The following SEMA3G variants were observed in gnomAD, a reference collection of about 807,000 sequenced individuals.
SEMA3G encodes semaphorin-3G.
Under a neutral mutation model 86.2 loss-of-function variants are expected in SEMA3G, and 70 were observed. The ratio of observed to expected loss-of-function variants is 0.81; its 90% confidence interval spans 0.67 to 0.99. The LOEUF (loss-of-function observed/expected upper bound fraction) is 0.99. Ranked by LOEUF, SEMA3G falls within the 50% of genes least tolerant of loss-of-function variation. The pLI is 0.00. For synonymous variants in SEMA3G, 416 were observed against 441.4 expected (o/e 0.94, Z 0.72); for missense variants, 1,002 against 1,072.4 (o/e 0.93, Z 0.92).
chr3:52,437,481 GACC>G (rs1559608774), intron 15 of SEMA3G, 43 bp downstream of exon 15: 2 of 1,563,690 alleles, frequency 1.3e-6, no homozygotes, highest in Non-Finnish European at 1.7e-6. Flanking sequence ...GATGGGAGGT[GACC>G]TCAGGACACA....
At position 52,441,002 on chromosome 3, in the gene SEMA3G, A is replaced by T. The variant is rs765647984; in HGVS notation, c.860T>A (p.Phe287Tyr). The change falls in exon 8 of 16, where the codon TTC becomes TAC. Residue 287 changes from phenylalanine (F) to tyrosine (Y), a missense_variant. Transcript: ENST00000231721. The part of the protein sequence containing the change: ...QRVLVNKWST[F>Y]LKARLVCSVP... ...CGAGCAGACCAGCCTGGCCTTGAGG[A>T]AAGTGCTCCATTTGTTCACCAGCAC... is the stretch of plus-strand genomic sequence containing the variant. 6.2e-7 allele frequency: 1 copy of T among 1,605,062 alleles called. No homozygotes were observed. The highest frequency in any genetic ancestry group is 1.1e-5 in the South Asian group (1 of 90,974).
At position 52,441,929 on chromosome 3, in the gene SEMA3G, G is replaced by A. The variant is rs116467283; in HGVS notation, c.460-20C>T. Reference sequence around the variant, plus strand: ...CACATGCTAGTGGGAGGGAGAGAGGGAGGGAGGGGCGTCACCTGGGAGAGA... The same window carrying A: ...CACATGCTAGTGGGAGGGAGAGAGGAAGGGAGGGGCGTCACCTGGGAGAGA... On this transcript the variant is annotated intron_variant, in intron 4 of 15. Transcript: ENST00000231721. 1.6e-3 allele frequency: 2,392 copies of A among 1,534,612 alleles called. 42 individuals carry two copies. In the African/African-American group the frequency reaches 0.029, roughly 19 times the overall value.
chr3:52,442,576 T>C lies in SEMA3G; in HGVS notation c.322A>G (p.Lys108Glu). The C allele has an allele frequency of 6.2e-7, 1 of 1,614,020 alleles. No individual in the cohort carries two copies. The highest frequency in any genetic ancestry group is 1.1e-5 in the South Asian group (1 of 91,082). The part of the protein sequence containing the change: ...QPGQREECVR[K>E]GRDPLTECAN... The stretch of plus-strand genomic sequence containing the variant: ...GCACTCACCAAAGGATCTCTTCCCT[T>C]TCGAACACACTCCTCCCTCTGTCCT... Residue 108 changes from lysine to glutamate, a missense_variant, in exon 3 of 16, where the codon AAG (lysine) becomes GAG (glutamate). Physicochemically the swap from Lys to Glu is moderately conservative, Grantham distance 56. Coordinates refer to ENST00000231721, the MANE Select transcript of SEMA3G (RefSeq NM_020163.3). The surrounding 1 kb of genome is among the most constrained non-coding windows in gnomAD (Gnocchi z 6.1).
At position 52,439,042 on chromosome 3, in the gene SEMA3G, C is replaced by T. The variant is rs1706098868; in HGVS notation, c.1468-81G>A. On this transcript the variant is annotated intron_variant, in intron 12 of 15. Coordinates refer to ENST00000231721, the MANE Select transcript of SEMA3G (RefSeq NM_020163.3). ...ACCCCTGCTTTCAGTCTCCTCCAACCCTGGGGTGGGAACCACCTAGCTCCC... is the reference window on the plus strand; with the variant it reads ...ACCCCTGCTTTCAGTCTCCTCCAACTCTGGGGTGGGAACCACCTAGCTCCC... The T allele has an allele frequency of 3.3e-6, 5 of 1,497,950 alleles. No homozygotes were observed. The East Asian group carries it at 9.4e-5, about 28-fold the overall frequency. 92.8% of individuals were successfully genotyped at this position (1,497,950 alleles called of 1,614,324 possible).
Position 52,442,342 on chromosome 3 carries a change from G to T in SEMA3G, c.340-38C>A. On this transcript the variant is annotated intron_variant, in intron 3 of 15. Transcript: ENST00000231721. The surrounding 1 kb of genome is among the most constrained non-coding windows in gnomAD (Gnocchi z 6.1). ...GGAGGGGGTGGTTGAGGGGTGAGAG[G>T]GGGTGCCCACCATCTCCTTGGGGCC... 6.2e-7 allele frequency: 1 copy of T among 1,600,068 alleles called. No homozygotes were observed. The highest frequency in any genetic ancestry group is 8.5e-7 in the Non-Finnish European group (1 of 1,172,012).
At chr3:52,444,403 C>T (rs1294109134) in intron 1 of SEMA3G, among the ~76,000 whole-genome samples, 1 of 152,084 alleles carries the variant, frequency 6.6e-6, no homozygotes, top group Non-Finnish European at 1.5e-5. Context: ...GCTCCCTCCC[C>T]TACAGCTGAC....
intron 10 of SEMA3G, 37 bp from the exon 11 acceptor site, chr3:52,440,135 T>C (rs1706119743): frequency 6.7e-7 from 1 of 1,494,966 alleles, no homozygotes; most frequent in Non-Finnish European, 9.1e-7. Context: ...TGAAGTATCC[T>C]GAGACAGCAC....
At position 52,435,830 on chromosome 3, in the gene SEMA3G, T is replaced by C. The variant is rs757185508; in HGVS notation, c.2122A>G (p.Lys708Glu). 9.9e-6 allele frequency: 16 copies of C among 1,613,936 alleles called. No homozygotes were observed. The highest frequency in any genetic ancestry group is 1.4e-5 in the Non-Finnish European group (16 of 1,179,982). ...LASTPPKAWYKDILQLIGFAN... is the reference protein window; with the variant it reads ...LASTPPKAWYEDILQLIGFAN... Reference sequence around the variant, plus strand: ...AAGCCAATGAGCTGCAGGATGTCCTTGTACCAGGCCTTGGGTGGGGTGGAA... The same window carrying C: ...AAGCCAATGAGCTGCAGGATGTCCTCGTACCAGGCCTTGGGTGGGGTGGAA... The change falls in exon 16 of 16, where the codon AAG becomes GAG. Residue 708 changes from lysine to glutamate, a missense_variant. By Grantham distance (56) the Lys-to-Glu change is moderately conservative. Transcript: ENST00000231721.
intron 12 of SEMA3G, among the ~76,000 whole-genome samples, 194 bp downstream of exon 12, chr3:52,439,486 G>A (rs955589292): frequency 2.6e-5 from 4 of 152,142 alleles, no homozygotes; most frequent in African/African-American, 9.7e-5. Context: ...AAGTGGCTGC[G>A]AGGCCTCTGC....
intron 10 of SEMA3G, 59 bp from the exon 11 acceptor site, chr3:52,440,157 C>G: frequency 7.1e-7 from 1 of 1,399,904 alleles, no homozygotes; most frequent in Non-Finnish European, 9.7e-7. Context: ...CACCCTCCAC[C>G]GCCAGTCTGT....
In SEMA3G at chr3:52,442,721, C is replaced by T. The variant is rs1394298749; in HGVS notation, c.276+26G>A. 5 of 1,613,448 alleles carry T rather than the reference C, an allele frequency of 3.1e-6. No individual in the cohort carries two copies. The highest frequency in any genetic ancestry group is 4.2e-6 in the Non-Finnish European group (5 of 1,179,672). On this transcript the variant is annotated intron_variant, in intron 2 of 15. Coordinates refer to ENST00000231721, the MANE Select transcript of SEMA3G (RefSeq NM_020163.3). The surrounding 1 kb of genome is among the most constrained non-coding windows in gnomAD (Gnocchi z 6.1). ...TGGAGGTGCCCAGTTCTCAAACAGA[C>T]CCTCTTCCCTGCCAGTCCAGCTCAC...
chr3:52,444,863 A>C (rs969591258), intron 1 of SEMA3G, 50 bp downstream of exon 1: 2 of 1,253,074 alleles, frequency 1.6e-6, no homozygotes, highest in African/African-American at 3.2e-5. Context: ...CAGAGCGCAC[A>C]CACACAAACA....
At position 52,437,652 on chromosome 3, in the gene SEMA3G, G is replaced by A. The variant is rs202049674; in HGVS notation, c.1753C>T (p.Leu585Phe). The change falls in exon 15 of 16, where the codon CTT becomes TTT. Residue 585 changes from leucine (L) to phenylalanine (F), a missense_variant. By Grantham distance (22) the Leu-to-Phe change is conservative. Transcript: ENST00000231721. ...GQSQEEEAVG[L>F]VAATMVYGTE... ...CCGTAGACCATGGTGGCTGCCACAA[G>A]TCCCACTGCCTCTTCTGGAGAGAGG... The A allele has an allele frequency of 6.2e-7, 1 of 1,611,736 alleles. No individual in the cohort carries two copies. Among genetic ancestry groups the A allele is most frequent in the Non-Finnish European group, 8.5e-7 (1 of 1,178,924 alleles).
intron 7 of SEMA3G, 32 bp downstream of exon 7, chr3:52,441,232 C>G (rs368683894): frequency 1.7e-4 from 273 of 1,605,768 alleles, no homozygotes; most frequent in Non-Finnish European, 2.3e-4. Flanking sequence ...GTAGCAGGGA[C>G]TTGAACCTCA....
chr3:52,444,633 CAG>C (rs1706226477), intron 1 of SEMA3G, among the ~76,000 whole-genome samples: 1 of 151,032 alleles, frequency 6.6e-6, no homozygotes. Context: ...TGCACCCAAA[CAG>C]GGCACACGCA....
chr3:52,435,839 C>CCT lies in SEMA3G; in HGVS notation c.2111_2112dup (p.Ala705ArgfsTer57). The CCT allele has an allele frequency of 6.2e-7, 1 of 1,614,050 alleles. No homozygotes were observed. Among genetic ancestry groups the CCT allele is most frequent in the Non-Finnish European group, 8.5e-7 (1 of 1,179,992 alleles). ...AGCTGCAGGATGTCCTTGTACCAGG[C>CCT]CTTGGGTGGGGTGGAAGCCAGGCCT... On this transcript the variant is annotated frameshift_variant, in exon 16 of 16. Transcript: ENST00000231721. LOFTEE classifies it high-confidence loss of function.
Position 52,439,934 on chromosome 3 carries a change from T to C in SEMA3G, c.1308A>G (p.Leu436=). The change falls in exon 11 of 16, where the codon CTA becomes CTG. Residue 436 remains leucine (L), a synonymous_variant. Transcript: ENST00000231721. ...VLVKTHLAQQ[L]HQIVVDRVEA... is the part of the protein sequence containing the mutation. ...CCACGCGGTCCACCACGATCTGGTGTAGCTGCTGGGCCAGGTGGGTCTTGA... is the reference window on the plus strand; with the variant it reads ...CCACGCGGTCCACCACGATCTGGTGCAGCTGCTGGGCCAGGTGGGTCTTGA... 1 of 1,613,810 alleles carries C rather than the reference T, an allele frequency of 6.2e-7. No individual in the cohort carries two copies. Among genetic ancestry groups the C allele is most frequent in the Non-Finnish European group, 8.5e-7 (1 of 1,179,996 alleles).
Position 52,441,843 on chromosome 3 carries a change from G to A in SEMA3G, c.526C>T (p.Arg176Cys), listed in dbSNP as rs746690063. 7.5e-6 allele frequency: 12 copies of A among 1,603,066 alleles called. No homozygotes were observed. Among genetic ancestry groups the A allele is most frequent in the South Asian group, 6.7e-5 (6 of 89,666 alleles). Residue 176 changes from arginine to cysteine, a missense_variant, in exon 5 of 16, where the codon CGT (arginine) becomes TGT (cysteine). Transcript: ENST00000231721. Reference sequence around the variant, plus strand: ...CCTATGAAGGTGCTGGCAAAGGGACGGCTGGGCTCGTGAGGGCACCGCCCC... The same window carrying A: ...CCTATGAAGGTGCTGGCAAAGGGACAGCTGGGCTCGTGAGGGCACCGCCCC... ...GRGRCPHEPS[R>C]PFASTFIDGE...
Position 52,438,064 on chromosome 3 carries a change from G to A in SEMA3G, c.1645C>T (p.His549Tyr), listed in dbSNP as rs767116874. 4 of 1,613,210 alleles carry A rather than the reference G, an allele frequency of 2.5e-6. No homozygotes were observed. The highest frequency in any genetic ancestry group is 2.5e-6 in the Non-Finnish European group (3 of 1,180,020). Residue 549 changes from histidine to tyrosine, a missense_variant, in exon 14 of 16, where the codon CAC (histidine) becomes TAC (tyrosine). By Grantham distance (83) the His-to-Tyr change is moderately conservative. Transcript: ENST00000231721. Reference protein sequence around the residue: ...YCAWDGASCTHYRPSLGKRRF... With the variant: ...YCAWDGASCTYYRPSLGKRRF... ...CGCTTGCCAAGGCTGGGGCGGTAGT[G>A]GGTACAGGAGGCACCATCCCAGGCA...
Sources: allele counts gnomAD v4.1 joint callset (sites outside exome capture counted in the v4.1 genomes callset), GRCh38; gene constraint gnomAD v4.1.1; non-coding constraint Gnocchi (gnomAD v3.1); transcripts MANE v1.5; gene names NCBI Gene and HGNC (gene_info 2026-07-23, HGNC 2026-07-21).